The following FMN2 variants were observed in gnomAD, a reference collection of about 807,000 sequenced individuals.
The protein encoded by FMN2 is formin 2.
Under a neutral mutation model 142.3 loss-of-function variants are expected in FMN2, and 51 were observed. That is an observed-to-expected ratio of 0.36 (90% CI 0.29 to 0.45). The LOEUF is 0.45. FMN2 is among the 20% of genes least tolerant of loss of function. FMN2 has a pLI of 1.00. For synonymous variants in FMN2, 882 were observed against 869.8 expected (o/e 1.01, Z -0.25); for missense variants, 1,936 against 2,122.8 (o/e 0.91, Z 1.73).
intron 1 of FMN2, among the ~76,000 whole-genome samples, chr1:240,094,098 T>C (rs1257431055): frequency 6.6e-6 from 1 of 152,098 alleles, no homozygotes; most frequent in African/African-American, 2.4e-5. Flanking sequence ...CACCACAGCA[T>C]TAAAAAGAAA....
intron 16 of FMN2, among the ~76,000 whole-genome samples, chr1:240,449,908 G>A (rs531517584): frequency 1.3e-5 from 2 of 152,140 alleles, no homozygotes; most frequent in South Asian, 2.1e-4. Context: ...TTTGCGGTAA[G>A]AATACTTAAG....
At chr1:240,325,324 C>CAG (rs1671128553) in intron 8 of FMN2, among the ~76,000 whole-genome samples, 2 of 128,522 alleles carry the variant, frequency 1.6e-5, no homozygotes, top group African/African-American at 6.6e-5. Flanking sequence ...GCCTGGGTGA[C>CAG]ACGGTGAGAC....
chr1:240,204,772 C>T (rs1369981486), intron 4 of FMN2, among the ~76,000 whole-genome samples: 1 of 151,986 alleles, frequency 6.6e-6, no homozygotes, highest in African/African-American at 2.4e-5. Context: ...GTTTACATTT[C>T]CTTCATAGAG....
intron 4 of FMN2, among the ~76,000 whole-genome samples, chr1:240,199,802 T>C (rs2103369522): frequency 6.6e-6 from 1 of 152,338 alleles, no homozygotes; most frequent in East Asian, 1.9e-4. Context: ...GAACTAAAAA[T>C]AGATTTAACC....
At chr1:240,254,807 T>C (rs1005504549) in intron 6 of FMN2, among the ~76,000 whole-genome samples, 3 of 152,128 alleles carry the variant, frequency 2.0e-5, no homozygotes, top group Admixed American at 2.0e-4. Flanking sequence ...CTGGCTGCGG[T>C]TGGAGGATAT....
intron 6 of FMN2, among the ~76,000 whole-genome samples, chr1:240,251,842 A>C (rs765185847): frequency 6.6e-5 from 10 of 152,170 alleles, no homozygotes; most frequent in Non-Finnish European, 1.2e-4. Flanking sequence ...TTTACATTCA[A>C]GGTTATTATT....
intron 1 of FMN2, among the ~76,000 whole-genome samples, chr1:240,101,507 T>C (rs1661411494): frequency 6.6e-6 from 1 of 151,102 alleles, no homozygotes; most frequent in Non-Finnish European, 1.5e-5. Context: ...TGTGTGTGTG[T>C]ATGTGTGTGT....
At position 240,241,934 on chromosome 1, in the gene FMN2, C is replaced by T. The variant is rs950121376; in HGVS notation, c.4066-16011C>T. On this transcript the variant is annotated intron_variant, in intron 6 of 17. Transcript: ENST00000319653. The stretch of plus-strand genomic sequence containing the variant: ...GATCTCGGCTCACTGCAAGCTCCGC[C>T]TCCCGGGTTCACGCCATTCTCCTGC... Among the ~76,000 whole-genome samples the T allele has an allele frequency of 4.0e-5, 6 of 150,356 alleles. No individual in the cohort carries two copies. The East Asian group carries it at 5.9e-4, about 15-fold the overall frequency.
intron 1 of FMN2, among the ~76,000 whole-genome samples, chr1:240,118,372 CTG>C (rs1223302307): frequency 6.6e-6 from 1 of 152,132 alleles, no homozygotes; most frequent in Non-Finnish European, 1.5e-5. Flanking sequence ...TGTGGGGCCA[CTG>C]TGCAAATAAA....
At chr1:240,322,234 G>A (rs965330586) in intron 8 of FMN2, among the ~76,000 whole-genome samples, 3 of 152,086 alleles carry the variant, frequency 2.0e-5, no homozygotes, top group African/African-American at 7.2e-5. Context: ...ATAGTAAGTT[G>A]AGGACCCTCT....
chr1:240,292,722 T>C (rs988832), intron 7 of FMN2, among the ~76,000 whole-genome samples: 45,503 of 152,094 alleles, frequency 0.3, 7,324 homozygotes, highest in Admixed American at 0.47. Flanking sequence ...TGTTAGCATA[T>C]GCTTTTTAAA....
At chr1:240,283,654 G>A (rs1218338012) in intron 7 of FMN2, among the ~76,000 whole-genome samples, 2 of 152,094 alleles carry the variant, frequency 1.3e-5, no homozygotes, top group African/African-American at 4.8e-5. Flanking sequence ...AATCTTCTTG[G>A]AGCGACCAAC....
chr1:240,413,121 A>T (rs1318316503), intron 15 of FMN2, among the ~76,000 whole-genome samples: 918 of 25,284 alleles, frequency 0.036, 19 homozygotes, highest in African/African-American at 0.13. Flanking sequence ...AGACTCTGTC[A>T]AAAAAAAAAA....
chr1:240,361,128 AATAAATATATGTGTAT>A (rs1672449563), intron 14 of FMN2, among the ~76,000 whole-genome samples: 2 of 58,046 alleles, frequency 3.4e-5, no homozygotes, highest in African/African-American at 1.8e-4. Flanking sequence ...AATAATAATA[AATAAATATATGTGTAT>A]ATATATATAT....
chr1:240,303,046 A>G (rs1670258405), intron 8 of FMN2, among the ~76,000 whole-genome samples: 1 of 152,086 alleles, frequency 6.6e-6, no homozygotes, highest in African/African-American at 2.4e-5. Context: ...TGACTAAAAA[A>G]AAAAAATCAG....
chr1:240,328,166 A>G (rs1258434642), intron 8 of FMN2, among the ~76,000 whole-genome samples: 6 of 149,988 alleles, frequency 4.0e-5, no homozygotes, highest in Middle Eastern at 3.4e-3. Context: ...AAAAAAAAAA[A>G]AAAAAAGAAA....
intron 14 of FMN2, among the ~76,000 whole-genome samples, chr1:240,367,630 T>C (rs1326174801): frequency 1.3e-5 from 2 of 149,564 alleles, no homozygotes; most frequent in Admixed American, 1.3e-4. Context: ...AAGCCGGGAG[T>C]GGTGGTGGGC....
chr1:240,210,005 AC>A (rs1666626941), intron 5 of FMN2, among the ~76,000 whole-genome samples: 1 of 152,224 alleles, frequency 6.6e-6, no homozygotes, highest in South Asian at 2.1e-4. Flanking sequence ...TCACAAAAAT[AC>A]ACATATCCAT....
At chr1:240,141,278 C>G (rs1352723072) in intron 2 of FMN2, among the ~76,000 whole-genome samples, 1 of 152,136 alleles carries the variant, frequency 6.6e-6, no homozygotes, top group Non-Finnish European at 1.5e-5. Context: ...CAGCCTAAGA[C>G]AAGAGTGAAG....
Sources: gnomAD v4.1 joint callset for allele counts (sites outside exome capture counted in the v4.1 genomes callset) on GRCh38, gnomAD v4.1.1 for gene constraint, MANE v1.5 for transcripts, NCBI Gene and HGNC (gene_info 2026-07-23, HGNC 2026-07-21) for gene names.